SYNDIG1L: variants seen among roughly 807,000 people sequenced by gnomAD.
SYNDIG1L encodes synapse differentiation-inducing gene protein 1-like.
SYNDIG1L carries 13 observed loss-of-function variants against 20.1 expected under a neutral mutation model. That is an observed-to-expected ratio of 0.65 (90% confidence interval 0.42 to 1.03). The LOEUF is 1.03. Ranked by LOEUF, SYNDIG1L falls within the 50% of genes least tolerant of loss-of-function variation. SYNDIG1L has a pLI of 0.00. For synonymous variants in SYNDIG1L, 128 were observed against 129.3 expected (o/e 0.99, Z 0.07); for missense variants, 294 against 305.1 (o/e 0.96, Z 0.27).
At chr14:74,409,901 A>T in intron 1 of SYNDIG1L, 100 bp from the exon 2 acceptor site, 1 of 951,468 alleles carries the variant, frequency 1.1e-6, no homozygotes, top group Non-Finnish European at 1.4e-6. Context: ...CTTGGCTCAA[A>T]CTCTGCCTCT....
chr14:74,416,348 CAA>C (rs1232138575), intron 1 of SYNDIG1L, among the ~76,000 whole-genome samples: 1 of 151,806 alleles, frequency 6.6e-6, no homozygotes, highest in East Asian at 1.9e-4. Flanking sequence ...TTAAAAAAGA[CAA>C]AGAGGCTAGG....
chr14:74,409,920 C>T (rs1444279025), intron 1 of SYNDIG1L, 119 bp from the exon 2 acceptor site: 1 of 763,238 alleles, frequency 1.3e-6, no homozygotes, highest in Non-Finnish European at 1.8e-6. Context: ...CTGCCCTTTG[C>T]AAGATGCAGG....
chr14:74,434,939 C>T, the SYNDIG1L span, among the ~76,000 whole-genome samples: 187 of 150,754 alleles, frequency 1.2e-3, 2 homozygotes, highest in East Asian at 5.8e-4. Flanking sequence ...AAAAATTAGC[C>T]GGGCGTGGTG....
the SYNDIG1L span, chr14:74,476,563 G>A: frequency 6.5e-5 from 100 of 1,535,548 alleles, 1 homozygote; most frequent in Middle Eastern, 2.2e-3. Context: ...CTAGCATTGG[G>A]CAGTGAGCAG....
chr14:74,414,239 T>TGCAC (rs532967491), intron 1 of SYNDIG1L, among the ~76,000 whole-genome samples: 155 of 152,336 alleles, frequency 1.0e-3, no homozygotes, highest in African/African-American at 3.7e-3. Context: ...TGTGTATGCA[T>TGCAC]GCACGCACAC....
chr14:74,422,716 C>CT (rs5809665), intron 1 of SYNDIG1L, among the ~76,000 whole-genome samples: 51,408 of 142,098 alleles, frequency 0.36, 9,933 homozygotes, highest in East Asian at 0.64. Flanking sequence ...TTTCCTTTCT[C>CT]TCTTTTTTTT....
Position 74,426,199 on chromosome 14 carries a change from C to T in SYNDIG1L, c.-345G>A, listed in dbSNP as rs1282183969. 1 of 151,466 alleles carries T rather than the reference C, an allele frequency of 6.6e-6. No individual in the cohort carries two copies. The highest frequency in any genetic ancestry group is 1.9e-4 in the East Asian group (1 of 5,136). The allele number at this position is 151,466 out of a possible 1,614,324, so 9.4% of individuals were successfully genotyped here. ...GCCCTCGGCCCGGCCCGAGGCGGCT[C>T]CGCGCCGACTTGGGAGAGCAGCGAG... On this transcript the variant is annotated 5_prime_UTR_variant, in exon 1 of 4. Transcript: ENST00000331628.
the SYNDIG1L span, among the ~76,000 whole-genome samples, chr14:74,445,839 T>C: frequency 3.9e-5 from 6 of 152,334 alleles, no homozygotes; most frequent in African/African-American, 1.4e-4. Context: ...AGTGTGTTTG[T>C]ACAAATATGT....
At position 74,407,954 on chromosome 14, in the gene SYNDIG1L, G is replaced by C; in HGVS notation, c.453C>G (p.Asp151Glu). 1 of 1,613,428 alleles carries C rather than the reference G, an allele frequency of 6.2e-7. No homozygotes were observed. Among genetic ancestry groups the C allele is most frequent in the Non-Finnish European group, 8.5e-7 (1 of 1,179,688 alleles). The change falls in exon 3 of 4, where the codon GAC (aspartate) becomes GAG (glutamate). Residue 151 changes from aspartate to glutamate, a missense_variant. Transcript: ENST00000331628. ...CCCTGGGAGGCAGCGTGAGGAAGTT[G>C]TCTTCACTTTCACTCTCCGTTGAAG... ...DATSTESESE[D>E]NFLTLPPRDH...
chr14:74,459,901 A>G, the SYNDIG1L span, among the ~76,000 whole-genome samples: 3 of 152,166 alleles, frequency 2.0e-5, no homozygotes, highest in Admixed American at 2.0e-4. Flanking sequence ...AGCCAAATCT[A>G]CTGTCCCCAG....
At chr14:74,430,238 C>T (rs567511762), upstream of SYNDIG1L, among the ~76,000 whole-genome samples, 10 of 152,216 alleles carry the variant, frequency 6.6e-5, no homozygotes, top group African/African-American at 2.2e-4. Flanking sequence ...GCAGGCTGCT[C>T]GGGGCATGTG....
At chr14:74,444,087 G>A in the SYNDIG1L span, among the ~76,000 whole-genome samples, 7 of 151,932 alleles carry the variant, frequency 4.6e-5, no homozygotes, top group Non-Finnish European at 8.8e-5. Context: ...ATTTTTTTTA[G>A]ATGGAGTCTC....
chr14:74,445,356 G>A, the SYNDIG1L span, among the ~76,000 whole-genome samples: 1 of 152,006 alleles, frequency 6.6e-6, no homozygotes, highest in Non-Finnish European at 1.5e-5. Flanking sequence ...TTCCTTTATA[G>A]CAATGTGAAC....
chr14:74,468,046 G>C, the SYNDIG1L span, among the ~76,000 whole-genome samples: 1 of 152,078 alleles, frequency 6.6e-6, no homozygotes, highest in Non-Finnish European at 1.5e-5. Context: ...GGCAAGGCAG[G>C]AAGGCTCCCT....
intron 1 of SYNDIG1L, among the ~76,000 whole-genome samples, chr14:74,415,525 G>A (rs1008150411): frequency 6.6e-6 from 1 of 152,042 alleles, no homozygotes; most frequent in African/African-American, 2.4e-5. Flanking sequence ...CCACTATGAG[G>A]AATATGAAAT....
intron 1 of SYNDIG1L, among the ~76,000 whole-genome samples, chr14:74,410,015 T>C (rs958144131): frequency 4.6e-5 from 7 of 152,140 alleles, no homozygotes; most frequent in African/African-American, 1.7e-4. Context: ...CCCCACAGAG[T>C]TGGCTTAGTC....
At chr14:74,476,243 G>C in the SYNDIG1L span, 1 of 597,036 alleles carries the variant, frequency 1.7e-6, no homozygotes, top group Non-Finnish European at 3.0e-6. Flanking sequence ...ACAGTCTGCT[G>C]CTGCTGGCCT....
chr14:74,477,050 A>G, the SYNDIG1L span, among the ~76,000 whole-genome samples: 11 of 39,854 alleles, frequency 2.8e-4, no homozygotes, highest in African/African-American at 9.0e-4. Context: ...ACACACACAC[A>G]CACACACACA....
intron 1 of SYNDIG1L, among the ~76,000 whole-genome samples, chr14:74,419,574 T>G (rs2086205106): frequency 1.3e-5 from 2 of 152,146 alleles, no homozygotes; most frequent in African/African-American, 4.8e-5. Flanking sequence ...GTTGCAAAAA[T>G]AAACCAGAAG....
Sources: gnomAD v4.1 joint callset for allele counts (sites outside exome capture counted in the v4.1 genomes callset) on GRCh38, gnomAD v4.1.1 for gene constraint, MANE v1.5 for transcripts, NCBI Gene and HGNC (gene_info 2026-07-23, HGNC 2026-07-21) for gene names.